The following BMPER variants were observed in gnomAD, a reference collection of about 807,000 sequenced individuals.
BMPER encodes the protein BMP-binding endothelial regulator protein.
A neutral mutation model predicts 87.3 loss-of-function variants in BMPER; 45 were observed. The observed-to-expected ratio is 0.52, with a 90% CI of 0.41 to 0.66. The LOEUF (loss-of-function observed/expected upper bound fraction) is 0.66. BMPER is among the 30% of genes least tolerant of loss of function. BMPER has a pLI of 0.00. For missense variants in BMPER, 784 were observed against 867.5 expected (o/e 0.90, Z 1.21); for synonymous variants, 326 against 316.2 (o/e 1.03, Z -0.33).
intron 13 of BMPER, among the ~76,000 whole-genome samples, chr7:34,124,555 T>G (rs576658633): frequency 6.6e-6 from 1 of 152,256 alleles, no homozygotes; most frequent in Non-Finnish European, 1.5e-5. Flanking sequence ...AAACTGTTTT[T>G]ATAGCTGATT....
chr7:33,974,837 G>A, intron 6 of BMPER, 53 bp downstream of exon 6: 1 of 1,561,214 alleles, frequency 6.4e-7, no homozygotes, highest in Non-Finnish European at 8.8e-7. Flanking sequence ...AGCACTTCTT[G>A]TACTCACCAA....
At chr7:33,928,388 C>A (rs1270436494) in intron 2 of BMPER, among the ~76,000 whole-genome samples, 1 of 152,100 alleles carries the variant, frequency 6.6e-6, no homozygotes, top group Non-Finnish European at 1.5e-5. Flanking sequence ...TGCCAGCAGA[C>A]CCTTTGCTTA....
At position 34,109,747 on chromosome 7, in the gene BMPER, C is replaced by T. The variant is rs568173250; in HGVS notation, c.1745+23655C>T. On this transcript the variant is annotated intron_variant, in intron 13 of 14. Transcript: ENST00000649409. ...CTTCCTCCATGCCAGATGCCTGCTGCGAACCTTGTTTGAGAAATTCATTTT... is the reference window on the plus strand; with the variant it reads ...CTTCCTCCATGCCAGATGCCTGCTGTGAACCTTGTTTGAGAAATTCATTTT... 3.3e-5 allele frequency among the ~76,000 whole-genome samples: 5 copies of T among 152,312 alleles called. No homozygotes were observed. The East Asian group carries it at 9.6e-4, about 29-fold the overall frequency.
At chr7:34,056,541 C>A (rs1398159373) in intron 9 of BMPER, among the ~76,000 whole-genome samples, 2 of 152,016 alleles carry the variant, frequency 1.3e-5, no homozygotes, top group Non-Finnish European at 2.9e-5. Context: ...ATAAAGTCGC[C>A]TCCTCCTCTG....
At chr7:33,905,858 C>G in intron 1 of BMPER, 112 bp downstream of exon 1, 1 of 1,388,198 alleles carries the variant, frequency 7.2e-7, no homozygotes, top group Non-Finnish European at 9.8e-7. Context: ...CACCTTGGCG[C>G]TTGCCCTGCG....
At chr7:34,118,974 T>A (rs1790186733) in intron 13 of BMPER, among the ~76,000 whole-genome samples, 1 of 135,032 alleles carries the variant, frequency 7.4e-6, no homozygotes, top group South Asian at 2.5e-4. Flanking sequence ...TTCCTTAAAA[T>A]CTCTCTCTCT....
chr7:33,994,040 A>G (rs1786319107), intron 6 of BMPER, among the ~76,000 whole-genome samples: 1 of 152,242 alleles, frequency 6.6e-6, no homozygotes, highest in Non-Finnish European at 1.5e-5. Flanking sequence ...AGACAGGGAC[A>G]TTTAAGTCTG....
Position 34,079,122 on chromosome 7 carries a change from C to T in BMPER, c.1344C>T (p.Pro448=), listed in dbSNP as rs1243006987. 6 of 1,613,918 alleles carry T rather than the reference C, an allele frequency of 3.7e-6. No individual in the cohort carries two copies. Among genetic ancestry groups the T allele is most frequent in the South Asian group, 1.1e-5 (1 of 91,060 alleles). ...GGAACGGCTCGCGCATCGCGCTCCCCTGCCGCGCGCCACACTTCCACATCG... is the reference window on the plus strand; with the variant it reads ...GGAACGGCTCGCGCATCGCGCTCCCTTGCCGCGCGCCACACTTCCACATCG... The part of the protein sequence containing the change: ...VRWNGSRIAL[P]CRAPHFHIDL... Residue 448 remains proline, a synonymous_variant, in exon 12 of 15, where the codon CCC becomes CCT. Coordinates refer to ENST00000649409, the MANE Select transcript of BMPER (RefSeq NM_001365308.1).
rs747037388 is a variant in BMPER at position 34,078,849 on chromosome 7, C to T, written c.1079-8C>T. The T allele has an allele frequency of 6.2e-7, 1 of 1,614,134 alleles. No homozygotes were observed. Among genetic ancestry groups the T allele is most frequent in the South Asian group, 1.1e-5 (1 of 91,080 alleles). ...GTGACCCGGCTTTTGTCTCTCACTC[C>T]TCCGCAGAGCCCGGCGTTTGCACGG... On this transcript the variant is annotated splice_region_variant and splice_polypyrimidine_tract_variant and intron_variant, in intron 11 of 14. Coordinates refer to ENST00000649409, the MANE Select transcript of BMPER (RefSeq NM_001365308.1).
intron 6 of BMPER, among the ~76,000 whole-genome samples, chr7:34,033,677 G>A (rs925358281): frequency 2.0e-5 from 3 of 152,208 alleles, no homozygotes; most frequent in African/African-American, 7.2e-5. Context: ...AGAGCCCTGG[G>A]CATTTTCTGA....
At chr7:34,031,927 TACACACACACACACAC>T (rs59791505) in intron 6 of BMPER, among the ~76,000 whole-genome samples, 4 of 55,468 alleles carry the variant, frequency 7.2e-5, no homozygotes, top group East Asian at 6.4e-4. Context: ...TATATATATA[TACACACACACACACAC>T]ATATATATAC....
At position 34,055,218 on chromosome 7, in the gene BMPER, G is replaced by A. The variant is rs1788251146; in HGVS notation, c.842G>A (p.Gly281Asp). 4 of 1,614,032 alleles carry A rather than the reference G, an allele frequency of 2.5e-6. No homozygotes were observed. In the South Asian group the frequency reaches 4.4e-5, roughly 18 times the overall value. ...TCCCACCCTGGTGGCTGTGACCAAG[G>A]CCAGGAGGGCTGTTGTGAAGAGTGC... Reference protein sequence around the residue: ...KCSHPGGCDQGQEGCCEECLL... With the variant: ...KCSHPGGCDQDQEGCCEECLL... Residue 281 changes from glycine (G) to aspartate (D), a missense_variant, in exon 9 of 15, where the codon GGC becomes GAC. By Grantham distance (94) the Gly-to-Asp change is moderately conservative (BLOSUM62 -1). Transcript: ENST00000649409.
rs984406969 is a variant in BMPER, at chr7:34,155,846, T to G, written c.*2573T>G. The G allele has an allele frequency of 6.6e-6, 1 of 152,160 alleles. No homozygotes were observed. Among genetic ancestry groups the G allele is most frequent in the East Asian group, 1.9e-4 (1 of 5,180 alleles). The allele number at this position is 152,160 out of a possible 1,614,324, so 9.4% of individuals were successfully genotyped here. On this transcript the variant is annotated 3_prime_UTR_variant, in exon 15 of 15. Coordinates refer to ENST00000649409, the MANE Select transcript of BMPER (RefSeq NM_001365308.1). The stretch of plus-strand genomic sequence containing the variant: ...TAAGCTCTTGCAGAGTGAGATGACT[T>G]GAAATAAAAATGTTCTATGAATATT...
rs1246275997 is a variant in BMPER at position 34,153,732 on chromosome 7, G to A, written c.*459G>A. The A allele has an allele frequency of 5.4e-6, 1 of 183,726 alleles. No individual in the cohort carries two copies. The highest frequency in any genetic ancestry group is 1.2e-5 in the Non-Finnish European group (1 of 86,352). 11.4% of individuals were successfully genotyped at this position (183,726 alleles called of 1,614,324 possible). On this transcript the variant is annotated 3_prime_UTR_variant, in exon 15 of 15. Transcript: ENST00000649409. Reference sequence around the variant, plus strand: ...CTGGAGAAGGGCACATTTATCTAGGGGCATTTCAGGTTTCCAAAGAAAGGA... The same window carrying A: ...CTGGAGAAGGGCACATTTATCTAGGAGCATTTCAGGTTTCCAAAGAAAGGA...
In BMPER at chr7:34,156,138, C is replaced by T. The variant is rs1791297120; in HGVS notation, c.*2865C>T. 6.6e-6 allele frequency among the ~76,000 whole-genome samples: 1 copy of T among 152,182 alleles called. No homozygotes were observed. Among genetic ancestry groups the T allele is most frequent in the East Asian group, 1.9e-4 (1 of 5,188 alleles). On this transcript the variant is annotated 3_prime_UTR_variant, in exon 15 of 15. Transcript: ENST00000649409. ...CTCACTCATCTTAACTCGTTGACTGCTTCCTGACCATCAGACCGTCCTGTA... is the reference window on the plus strand; with the variant it reads ...CTCACTCATCTTAACTCGTTGACTGTTTCCTGACCATCAGACCGTCCTGTA...
intron 13 of BMPER, among the ~76,000 whole-genome samples, chr7:34,141,065 A>G (rs1227300855): frequency 6.6e-6 from 1 of 152,230 alleles, no homozygotes; most frequent in Non-Finnish European, 1.5e-5. Context: ...TGTCGCTGTG[A>G]AGTCTGAGCG....
At chr7:33,906,478 C>A (rs201127376) in intron 1 of BMPER, among the ~76,000 whole-genome samples, 1 of 147,188 alleles carries the variant, frequency 6.8e-6, no homozygotes, top group Admixed American at 6.8e-5. Context: ...TTATTTTTTT[C>A]TTTGCGTATG....
chr7:33,994,993 A>G (rs936641049), intron 6 of BMPER, among the ~76,000 whole-genome samples: 1 of 152,204 alleles, frequency 6.6e-6, no homozygotes, highest in African/African-American at 2.4e-5. Flanking sequence ...TTTTTCTTAT[A>G]GGTCACTGAT....
chr7:34,023,437 G>A (rs1191016654), intron 6 of BMPER, among the ~76,000 whole-genome samples: 3 of 151,984 alleles, frequency 2.0e-5, no homozygotes, highest in African/African-American at 4.8e-5. Flanking sequence ...CACTGCCACC[G>A]TGGCTGAGGG....
Sources: gnomAD v4.1 joint callset for allele counts (sites outside exome capture counted in the v4.1 genomes callset) on GRCh38, gnomAD v4.1.1 for gene constraint, MANE v1.5 for transcripts, NCBI Gene and HGNC (gene_info 2026-07-23, HGNC 2026-07-21) for gene names.